The following MAP2 variants were observed in gnomAD, a reference collection of about 807,000 sequenced individuals.
MAP2 encodes the protein microtubule-associated protein 2.
In MAP2, 14 loss-of-function variants were observed where a neutral mutation model predicts 137.6. The ratio of observed to expected loss-of-function variants is 0.10; its 90% CI spans 0.07 to 0.16. MAP2 has a LOEUF of 0.16. MAP2 is among the 10% of genes least tolerant of loss of function. MAP2 has a pLI of 1.00. For synonymous variants in MAP2, 786 were observed against 782.3 expected (o/e 1.00, Z -0.08); for missense variants, 2,088 against 2,191.5 (o/e 0.95, Z 0.94).
In MAP2 at chr2:209,556,293, C is replaced by T. The variant is rs550293725; in HGVS notation, c.-171-23743C>T. ...TCCTGAACTCAAGCGATCGTCCTGC[C>T]TTGGCCTCCCAAAGTGCAGGGATTG... On this transcript the variant is annotated intron_variant, in intron 2 of 15. Transcript: ENST00000682079. 6.6e-5 allele frequency among the ~76,000 whole-genome samples: 10 copies of T among 152,238 alleles called. No homozygotes were observed. In the East Asian group the frequency reaches 1.9e-3, roughly 29 times the overall value.
chr2:209,639,093 C>T (rs772428162), intron 4 of MAP2, among the ~76,000 whole-genome samples: 2 of 151,888 alleles, frequency 1.3e-5, no homozygotes, highest in African/African-American at 4.8e-5. Context: ...CATTTAGGCT[C>T]TCTGTTGCTT....
chr2:209,604,356 C>G (rs571406648), intron 3 of MAP2, among the ~76,000 whole-genome samples: 71 of 152,170 alleles, frequency 4.7e-4, no homozygotes, highest in African/African-American at 1.5e-3. Context: ...CTTTAGTTCC[C>G]TAAAGTGACC....
At chr2:209,661,366 AAACAAGCTCGCCTAACAATGCG>A (rs2043543104) in intron 5 of MAP2, 1 of 239,696 alleles carries the variant, frequency 4.2e-6, no homozygotes, top group African/African-American at 2.3e-5. Context: ...CCAAGCAAAT[AAACAAGCTCGCCTAACAATGCG>A]AGAGGTTGCA....
chr2:209,683,542 A>AT (rs3835777), intron 7 of MAP2, among the ~76,000 whole-genome samples: 31,914 of 152,142 alleles, frequency 0.21, 5,155 homozygotes, highest in African/African-American at 0.45. Flanking sequence ...ATATACAAGT[A>AT]TTTTTTAAGT....
chr2:209,445,953 T>C (rs1201880701), intron 1 of MAP2, among the ~76,000 whole-genome samples: 1 of 151,674 alleles, frequency 6.6e-6, no homozygotes, highest in Non-Finnish European at 1.5e-5. Flanking sequence ...CTGCCCATTA[T>C]AGAATACCAT....
chr2:209,543,925 T>C (rs2067499975), intron 2 of MAP2, among the ~76,000 whole-genome samples: 1 of 152,140 alleles, frequency 6.6e-6, no homozygotes, highest in Non-Finnish European at 1.5e-5. Flanking sequence ...TGTTTGTATC[T>C]TTTTTTAAAA....
chr2:209,594,827 T>A (rs1437652565), intron 3 of MAP2, among the ~76,000 whole-genome samples: 1 of 152,180 alleles, frequency 6.6e-6, no homozygotes, highest in Non-Finnish European at 1.5e-5. Flanking sequence ...AATGATAGGA[T>A]CTAATTCTCA....
Position 209,694,630 on chromosome 2 carries a change from T to C in MAP2, c.2460T>C (p.Ala820=), listed in dbSNP as rs965923769. 1 of 1,614,160 alleles carries C rather than the reference T, an allele frequency of 6.2e-7. No homozygotes were observed. Among genetic ancestry groups the C allele is most frequent in the African/African-American group, 1.3e-5 (1 of 75,040 alleles). The part of the protein sequence containing the change: ...LDLAGTRSRL[A]SVSADAEVAR... ...TGGCAGGCACAAGGTCAAGATTGGCTTCTGTGAGTGCAGATGCTGAGGTTG... is the reference window on the plus strand; with the variant it reads ...TGGCAGGCACAAGGTCAAGATTGGCCTCTGTGAGTGCAGATGCTGAGGTTG... Residue 820 remains alanine (A), a synonymous_variant, in exon 8 of 16, where the codon GCT becomes GCC. Transcript: ENST00000682079.
At chr2:209,576,274 T>G (rs905390780) in intron 2 of MAP2, among the ~76,000 whole-genome samples, 2 of 152,218 alleles carry the variant, frequency 1.3e-5, no homozygotes, top group African/African-American at 4.8e-5. Context: ...GACGAAGTCT[T>G]GCTCTGTCGC....
At chr2:209,624,214 A>G (rs1314275196) in intron 3 of MAP2, among the ~76,000 whole-genome samples, 1 of 152,138 alleles carries the variant, frequency 6.6e-6, no homozygotes, top group Non-Finnish European at 1.5e-5. Flanking sequence ...ACATCTTCCT[A>G]GAAGATATGA....
At chr2:209,621,828 C>T (rs896978356) in intron 3 of MAP2, among the ~76,000 whole-genome samples, 1 of 152,156 alleles carries the variant, frequency 6.6e-6, no homozygotes, top group Non-Finnish European at 1.5e-5. Context: ...ATAACTTGGA[C>T]ATAAATATGA....
intron 11 of MAP2, chr2:209,704,332 CAT>C (rs1393397058): frequency 3.9e-6 from 3 of 760,250 alleles, no homozygotes; most frequent in Non-Finnish European, 6.2e-6. Context: ...AACCATTTAT[CAT>C]GTGTTCTTAT....
chr2:209,726,755 C>G (rs1290785890), intron 14 of MAP2, among the ~76,000 whole-genome samples: 1 of 152,138 alleles, frequency 6.6e-6, no homozygotes. Context: ...CAGAGCAAGA[C>G]CTTGTCACAA....
At chr2:209,558,195 T>C (rs2071125072) in intron 2 of MAP2, among the ~76,000 whole-genome samples, 1 of 152,192 alleles carries the variant, frequency 6.6e-6, no homozygotes. Context: ...TTTATTTCTT[T>C]CTTTATTTTT....
At position 209,434,896 on chromosome 2, in the gene MAP2, TTA is replaced by T. The variant is rs201537636; in HGVS notation, c.-222+10630_-222+10631del. On this transcript the variant is annotated intron_variant, in intron 1 of 15. Coordinates refer to ENST00000682079, the MANE Select transcript of MAP2 (RefSeq NM_001375505.1). ...ATGTTATATATATGTTATATATATG[TTA>T]TATATATATGTTATATATATGTTAT... 3.3e-3 allele frequency among the ~76,000 whole-genome samples: 453 copies of T among 138,318 alleles called. 7 individuals are homozygous for T. Among genetic ancestry groups the T allele is most frequent in the East Asian group, 0.017 (83 of 4,986 alleles). 90.7% of individuals were successfully genotyped at this position (138,318 alleles called of 152,430 possible).
chr2:209,535,842 GTTCC>G (rs1232838159), intron 2 of MAP2, among the ~76,000 whole-genome samples: 1 of 151,996 alleles, frequency 6.6e-6, no homozygotes, highest in African/African-American at 2.4e-5. Flanking sequence ...ATCATTTGCT[GTTCC>G]TCATTGTCTT....
intron 2 of MAP2, among the ~76,000 whole-genome samples, chr2:209,546,829 A>C (rs1388667050): frequency 6.6e-6 from 1 of 152,156 alleles, no homozygotes; most frequent in Non-Finnish European, 1.5e-5. Context: ...AACTGTAACT[A>C]TTTCTCTTTT....
At chr2:209,493,361 T>C (rs2059369165) in intron 1 of MAP2, among the ~76,000 whole-genome samples, 1 of 152,168 alleles carries the variant, frequency 6.6e-6, no homozygotes, top group African/African-American at 2.4e-5. Flanking sequence ...ATTCAGGACA[T>C]AGGCATGGGC....
chr2:209,431,120 A>G (rs1338579070), intron 1 of MAP2, among the ~76,000 whole-genome samples: 1 of 152,180 alleles, frequency 6.6e-6, no homozygotes, highest in Non-Finnish European at 1.5e-5. Flanking sequence ...AACTGGCAGT[A>G]TGAAGCTTTG....
Sources: allele counts gnomAD v4.1 joint callset (sites outside exome capture counted in the v4.1 genomes callset), GRCh38; gene constraint gnomAD v4.1.1; transcripts MANE v1.5; gene names NCBI Gene and HGNC (gene_info 2026-07-23, HGNC 2026-07-21).